Variants in PDGFD observed in about 807,000 individuals in gnomAD.
PDGFD encodes the protein platelet derived growth factor D.
A neutral mutation model predicts 44.7 loss-of-function variants in PDGFD; 30 were observed. The ratio of observed to expected loss-of-function variants is 0.67; its 90% CI spans 0.50 to 0.91. PDGFD has a LOEUF of 0.91. Ranked by LOEUF, PDGFD falls within the 40% of genes least tolerant of loss-of-function variation. PDGFD has a pLI of 0.00. For synonymous variants in PDGFD, 173 were observed against 168.4 expected, an observed-to-expected ratio of 1.03 and a Z score of -0.21; for missense variants, 445 against 457.8, an observed-to-expected ratio of 0.97 and a Z score of 0.25.
intron 4 of PDGFD, chr11:103,946,377 T>TTTG (rs1858668240): frequency 1.3e-5 from 2 of 152,180 alleles, no homozygotes; most frequent in Non-Finnish European, 2.9e-5. Context: ...CCAGGGAACT[T>TTTG]CCCCAGATAC....
At chr11:104,113,811 C>G (rs1468089815) in intron 1 of PDGFD, among the ~76,000 whole-genome samples, 1 of 152,000 alleles carries the variant, frequency 6.6e-6, no homozygotes, top group African/African-American at 2.4e-5. Flanking sequence ...TTTGGCCATT[C>G]TAATAGGTAT....
At chr11:104,055,839 TCTC>T (rs1328122154) in intron 1 of PDGFD, among the ~76,000 whole-genome samples, 1 of 151,950 alleles carries the variant, frequency 6.6e-6, no homozygotes, top group African/African-American at 2.4e-5. Context: ...GCTACCCCAC[TCTC>T]CTCATTTAGA....
At chr11:104,016,819 G>A (rs1859864845) in intron 1 of PDGFD, among the ~76,000 whole-genome samples, 1 of 152,210 alleles carries the variant, frequency 6.6e-6, no homozygotes, top group Non-Finnish European at 1.5e-5. Flanking sequence ...TTGGTGTAAA[G>A]GTGGGATTGG....
At chr11:103,925,346 T>C (rs1432388414) in intron 6 of PDGFD, among the ~76,000 whole-genome samples, 2 of 152,188 alleles carry the variant, frequency 1.3e-5, no homozygotes, top group Admixed American at 6.5e-5. Flanking sequence ...TGGACACTGA[T>C]GGAGAGCAAC....
intron 5 of PDGFD, among the ~76,000 whole-genome samples, chr11:103,942,921 GC>G (rs1410945071): frequency 6.6e-6 from 1 of 152,024 alleles, no homozygotes; most frequent in Non-Finnish European, 1.5e-5. Flanking sequence ...ATAATGCCTT[GC>G]TTGCCAAAAA....
intron 1 of PDGFD, among the ~76,000 whole-genome samples, chr11:104,014,202 C>T (rs1413606014): frequency 6.6e-6 from 1 of 152,162 alleles, no homozygotes; most frequent in Admixed American, 6.5e-5. Flanking sequence ...TCCTTCATGC[C>T]TATTCCACAA....
At chr11:103,950,186 G>C (rs1276313247) in intron 3 of PDGFD, among the ~76,000 whole-genome samples, 2 of 151,984 alleles carry the variant, frequency 1.3e-5, no homozygotes, top group East Asian at 3.9e-4. Flanking sequence ...AATCAGAAGA[G>C]GGACAGTTTT....
intron 1 of PDGFD, among the ~76,000 whole-genome samples, chr11:104,082,683 G>C (rs2079421302): frequency 6.6e-6 from 1 of 152,004 alleles, no homozygotes; most frequent in South Asian, 2.1e-4. Context: ...CCAGGCTGGA[G>C]TGCAGTGGTG....
At chr11:104,156,814 T>C (rs1020301305) in intron 1 of PDGFD, among the ~76,000 whole-genome samples, 19 of 152,260 alleles carry the variant, frequency 1.2e-4, no homozygotes, top group South Asian at 4.1e-4. Context: ...TTTCTTCCTG[T>C]ATGTGTACTT....
At chr11:104,016,644 CTG>C (rs961464290) in intron 1 of PDGFD, among the ~76,000 whole-genome samples, 3 of 152,218 alleles carry the variant, frequency 2.0e-5, no homozygotes, top group Non-Finnish European at 2.9e-5. Context: ...CTGGGTATGT[CTG>C]TGTTTATATC....
chr11:104,071,246 A>T (rs916613887), intron 1 of PDGFD, among the ~76,000 whole-genome samples: 3 of 151,988 alleles, frequency 2.0e-5, no homozygotes, highest in African/African-American at 7.2e-5. Flanking sequence ...GGTATGTCAT[A>T]ATAACTTTAA....
At chr11:104,055,227 G>A (rs1343999166) in intron 1 of PDGFD, among the ~76,000 whole-genome samples, 5 of 152,200 alleles carry the variant, frequency 3.3e-5, no homozygotes, top group Admixed American at 6.5e-5. Flanking sequence ...TTATTGGAAG[G>A]AGCGCAGATG....
chr11:103,975,214 T>G (rs993588039), intron 3 of PDGFD, among the ~76,000 whole-genome samples: 4 of 152,234 alleles, frequency 2.6e-5, no homozygotes, highest in African/African-American at 9.6e-5. Context: ...GTCACTGTGG[T>G]TTTGCTTTGC....
In PDGFD at chr11:104,022,282, C is replaced by T. The variant is rs570703627; in HGVS notation, c.125-22027G>A. 6.6e-5 allele frequency among the ~76,000 whole-genome samples: 10 copies of T among 152,244 alleles called. No homozygotes were observed. In the South Asian group the frequency reaches 1.7e-3, roughly 25 times the overall value. ...TGGACTCAATTGATCTACAATCCTT[C>T]GTGTTCTTCCTTCAAGTTCTAACAT... On this transcript the variant is annotated intron_variant, in intron 1 of 6. Coordinates refer to ENST00000393158, the MANE Select transcript of PDGFD (RefSeq NM_025208.5).
chr11:104,067,029 G>C (rs1860800365), intron 1 of PDGFD, among the ~76,000 whole-genome samples: 1 of 152,152 alleles, frequency 6.6e-6, no homozygotes, highest in African/African-American at 2.4e-5. Context: ...GTTATACGAA[G>C]ATGACCAGTC....
At chr11:104,043,811 G>A (rs1860397771) in intron 1 of PDGFD, among the ~76,000 whole-genome samples, 1 of 152,066 alleles carries the variant, frequency 6.6e-6, no homozygotes, top group Non-Finnish European at 1.5e-5. Flanking sequence ...TTGCATAGGG[G>A]ACTCAGTACT....
intron 1 of PDGFD, among the ~76,000 whole-genome samples, chr11:104,058,634 G>T (rs563590531): frequency 2.0e-5 from 3 of 152,110 alleles, no homozygotes; most frequent in African/African-American, 7.2e-5. Context: ...ACACTCATAG[G>T]TATTTATGCC....
At chr11:103,936,161 G>T (rs896812660) in intron 5 of PDGFD, among the ~76,000 whole-genome samples, 2 of 152,100 alleles carry the variant, frequency 1.3e-5, no homozygotes, top group Non-Finnish European at 2.9e-5. Flanking sequence ...AGCAACACAA[G>T]TTATTATTAA....
rs533629932 is a variant in PDGFD at position 103,994,645 on chromosome 11, T to C, written c.510+1420A>G. ...TTAAGATAAAAAATAAAAAAATAAA[T>C]TGATGCCATTTATAGTACTGTGTTC... On this transcript the variant is annotated intron_variant, in intron 3 of 6. Coordinates refer to ENST00000393158, the MANE Select transcript of PDGFD (RefSeq NM_025208.5). 5.2e-4 allele frequency among the ~76,000 whole-genome samples: 79 copies of C among 152,270 alleles called. 3 individuals are homozygous for C. In the South Asian group the frequency reaches 0.016, roughly 31 times the overall value.
Sources: gnomAD v4.1 joint callset for allele counts (sites outside exome capture counted in the v4.1 genomes callset) on GRCh38, gnomAD v4.1.1 for gene constraint, MANE v1.5 for transcripts, NCBI Gene and HGNC (gene_info 2026-07-23, HGNC 2026-07-21) for gene names.